The following SPON2 variants were observed in gnomAD, a reference collection of about 807,000 sequenced individuals.
SPON2 encodes spondin 2, also known as spondin-2.
In SPON2, 32 loss-of-function variants were observed where a neutral mutation model predicts 29.9. The observed-to-expected ratio is 1.07, with a 90% CI of 0.81 to 1.44. SPON2 has a LOEUF of 1.44. SPON2 is among the 40% of genes most tolerant of loss of function. The pLI is 0.00. For missense variants in SPON2, 541 were observed against 455.5 expected (o/e 1.19, Z -1.71); for synonymous variants, 248 against 209.1 (o/e 1.19, Z -1.61).
At position 1,187,658 on chromosome 4, in the gene SPON2, T is replaced by G. The variant is rs1241304184; in HGVS notation, c.-239+7332A>C. On this transcript the variant is annotated intron_variant, in intron 1 of 3. Coordinates refer to the SPON2 transcript ENST00000502483. ...TTATAACAACTGATCTCAGATTAATTATAATTTAATGTCAATGGTATACAA... is the reference window on the plus strand; with the variant it reads ...TTATAACAACTGATCTCAGATTAATGATAATTTAATGTCAATGGTATACAA... 2.6e-5 allele frequency among the ~76,000 whole-genome samples: 4 copies of G among 152,180 alleles called. No homozygotes were observed. The East Asian group carries it at 7.7e-4, about 29-fold the overall frequency.
chr4:1,170,729 G>T, intron 4 of SPON2, 153 bp from the exon 5 acceptor site: 1 of 1,080,338 alleles, frequency 9.3e-7, no homozygotes. Context: ...GCCATCCCAC[G>T]GAACACGGGC....
At chr4:1,179,755 T>G (rs1727672047) in intron 1 of SPON2, among the ~76,000 whole-genome samples, 1 of 152,198 alleles carries the variant, frequency 6.6e-6, no homozygotes, top group South Asian at 2.1e-4. Context: ...GCTGGAGCTC[T>G]TTCAAAGCCT....
chr4:1,168,328 C>A (rs1253762440), intron 5 of SPON2, among the ~76,000 whole-genome samples: 1 of 152,204 alleles, frequency 6.6e-6, no homozygotes, highest in Non-Finnish European at 1.5e-5. Flanking sequence ...AGGCCAGGAG[C>A]CCCGCCTCAC....
chr4:1,171,708 A>C lies in SPON2; in HGVS notation c.220+144T>G. 7.6e-6 allele frequency: 6 copies of C among 786,948 alleles called. No individual in the cohort carries two copies. The South Asian group carries it at 8.3e-5, about 11-fold the overall frequency. The allele number at this position is 786,948 out of a possible 1,614,324, so 48.7% of individuals were successfully genotyped here. A position where few individuals can be genotyped will look rare whatever the true frequency, so the allele number is the denominator to read the frequency against. On this transcript the variant is annotated intron_variant, in intron 2 of 5. Transcript: ENST00000290902. ...CCGCATCCCCGGAACCGCACACCGC[A>C]GGCGCTCGGCAAACATTCTGGTGTT... is the stretch of plus-strand genomic sequence containing the variant.
chr4:1,193,600 T>G (rs1577908203), intron 1 of SPON2, among the ~76,000 whole-genome samples: 1 of 64,946 alleles, frequency 1.5e-5, no homozygotes, highest in Non-Finnish European at 3.1e-5. Context: ...GACAAGAACG[T>G]GGGGGGCATG....
At chr4:1,172,106 G>A (rs1727480427) in intron 1 of SPON2, 32 bp from the exon 2 acceptor site, 11 of 1,590,480 alleles carry the variant, frequency 6.9e-6, no homozygotes, top group Non-Finnish European at 9.4e-6. Context: ...GCCGCGCGCT[G>A]GCACCGTCGT....
At chr4:1,197,637 T>G (rs1204253135), upstream of SPON2, among the ~76,000 whole-genome samples, 1 of 26,374 alleles carries the variant, frequency 3.8e-5, no homozygotes, top group Non-Finnish European at 1.1e-4. Flanking sequence ...TAGGGAGAAT[T>G]ATGAAGATAA....
At chr4:1,194,015 AG>A (rs891142110) in intron 1 of SPON2, among the ~76,000 whole-genome samples, 1 of 151,896 alleles carries the variant, frequency 6.6e-6, no homozygotes, top group South Asian at 2.1e-4. Context: ...TGTGGAACCC[AG>A]GGGGGTGCCC....
intron 1 of SPON2, chr4:1,200,950 T>C (rs1294440989): frequency 2.2e-6 from 1 of 456,752 alleles, no homozygotes; most frequent in South Asian, 1.5e-5. Context: ...CCTGGCTCTG[T>C]TGCAGCAGAC....
intron 1 of SPON2, among the ~76,000 whole-genome samples, chr4:1,194,694 G>A (rs1008685191): frequency 1.3e-5 from 2 of 152,150 alleles, no homozygotes; most frequent in Non-Finnish European, 2.9e-5. Context: ...ACCCTCCCCA[G>A]CCTCGCTGGT....
chr4:1,169,318 G>C (rs1445593874), intron 5 of SPON2, among the ~76,000 whole-genome samples: 1 of 152,054 alleles, frequency 6.6e-6, no homozygotes, highest in Admixed American at 6.5e-5. Flanking sequence ...GGGGACATCT[G>C]CTTGGAATGG....
upstream of SPON2, among the ~76,000 whole-genome samples, chr4:1,197,911 G>A (rs111340627): frequency 0.071 from 10,877 of 152,146 alleles, 458 homozygotes; most frequent in Middle Eastern, 0.11. Flanking sequence ...AGCCGGGCAT[G>A]GTGGTGCGTG....
intron 1 of SPON2, among the ~76,000 whole-genome samples, chr4:1,181,495 G>A (rs143417402): frequency 1.3e-5 from 2 of 152,266 alleles, no homozygotes; most frequent in East Asian, 1.9e-4. Flanking sequence ...GGAAGATTCT[G>A]GGAAGATGGT....
chr4:1,178,252 A>G (rs1274700063), intron 2 of SPON2, among the ~76,000 whole-genome samples: 1 of 149,512 alleles, frequency 6.7e-6, no homozygotes, highest in Non-Finnish European at 1.5e-5. Flanking sequence ...CCCTCCGGCC[A>G]GGCACCATGG....
At position 1,171,889 on chromosome 4, in the gene SPON2, G is replaced by T. The variant is rs1161647297; in HGVS notation, c.183C>A (p.Pro61=). The T allele has an allele frequency of 1.2e-6, 2 of 1,612,840 alleles. No homozygotes were observed. The highest frequency in any genetic ancestry group is 2.7e-5 in the African/African-American group (2 of 74,924). Residue 61 remains proline (P), a synonymous_variant, in exon 2 of 6, where the codon CCC becomes CCA. Transcript: ENST00000290902. ...WSQTAFPKQY[P]LFRPPAQWSS... is the part of the protein sequence containing the mutation. ...ACCACTGCGCAGGGGGGCGGAACAG[G>T]GGGTACTGCTTGGGGAAGGCCGTCT...
intron 5 of SPON2, chr4:1,170,062 C>A: frequency 3.7e-6 from 1 of 272,358 alleles, no homozygotes. Flanking sequence ...GGTGGCCACA[C>A]AGGGCCATCC....
chr4:1,197,285 A>C (rs921626268), upstream of SPON2, among the ~76,000 whole-genome samples: 12 of 152,356 alleles, frequency 7.9e-5, no homozygotes, highest in Middle Eastern at 3.4e-3. Flanking sequence ...TATTGGCTGC[A>C]AAGAAAACCT....
chr4:1,176,285 C>T (rs1727591512), upstream of SPON2, among the ~76,000 whole-genome samples: 1 of 152,148 alleles, frequency 6.6e-6, no homozygotes, highest in Non-Finnish European at 1.5e-5. Context: ...ATAGGTGTAA[C>T]TCACACACCA....
chr4:1,170,562 AGAGGAGGACGTTATCT>A lies in SPON2; in HGVS notation c.637-2_650del. ...AGAAGGAGTTGGCCGGGTGGCTGGGAGAGGAGGACGTTATCTGGGGAGGAAGAAGAGGAGGTTGGCC... is the reference window on the plus strand; with the variant it reads ...AGAAGGAGTTGGCCGGGTGGCTGGGAGGGGAGGAAGAAGAGGAGGTTGGCC... On this transcript the variant is annotated splice_acceptor_variant and coding_sequence_variant, in exon 5 of 6. Transcript: ENST00000290902. LOFTEE classifies it high-confidence loss of function. 6.2e-7 allele frequency: 1 copy of A among 1,611,980 alleles called. No homozygotes were observed. The highest frequency in any genetic ancestry group is 8.5e-7 in the Non-Finnish European group (1 of 1,179,472).
Sources: allele counts gnomAD v4.1 joint callset (sites outside exome capture counted in the v4.1 genomes callset), GRCh38; gene constraint gnomAD v4.1.1; transcripts MANE v1.5; gene names NCBI Gene and HGNC (gene_info 2026-07-23, HGNC 2026-07-21).